Variants in GRIA4 observed in about 807,000 individuals in gnomAD.
GRIA4 encodes the protein glutamate ionotropic receptor AMPA type subunit 4.
A neutral mutation model predicts 104.0 loss-of-function variants in GRIA4; 34 were observed. The ratio of observed to expected loss-of-function variants is 0.33; its 90% confidence interval spans 0.25 to 0.44. GRIA4 has a LOEUF of 0.44. Ranked by LOEUF, GRIA4 falls within the 20% of genes least tolerant of loss-of-function variation. The probability of loss-of-function intolerance (pLI) is 1.00; values close to 1 mark genes in which losing one functional copy is unlikely to be tolerated. For synonymous variants in GRIA4, 386 were observed against 381.9 expected (o/e 1.01, Z -0.13); for missense variants, 750 against 1,096.5 (o/e 0.68, Z 4.46).
chr11:105,842,284 C>T (rs975861460), intron 4 of GRIA4, among the ~76,000 whole-genome samples: 1 of 152,076 alleles, frequency 6.6e-6, no homozygotes, highest in Non-Finnish European at 1.5e-5. Context: ...TTTCCTTTGC[C>T]CTGAGGGACA....
At chr11:105,663,143 C>A (rs1479276690) in intron 3 of GRIA4, among the ~76,000 whole-genome samples, 1 of 150,724 alleles carries the variant, frequency 6.6e-6, no homozygotes, top group East Asian at 1.9e-4. Flanking sequence ...AAAAATATAA[C>A]TTTATATCAA....
chr11:105,862,186 G>C lies in GRIA4; in HGVS notation c.650G>C (p.Arg217Thr). The C allele has an allele frequency of 6.3e-7, 1 of 1,594,836 alleles. No homozygotes were observed. Among genetic ancestry groups the C allele is most frequent in the Non-Finnish European group, 8.6e-7 (1 of 1,162,686 alleles). ...KKFVIDCEIE[R>T]LQNILEQIVS... ...TTTGTAATAGACTGTGAGATAGAGA[G>C]ACTTCAAAACATATTAGAACAGGTA... The change falls in exon 5 of 17, where the codon AGA becomes ACA. Residue 217 changes from arginine to threonine, a missense_variant. Physicochemically the swap from Arg to Thr is moderately conservative, Grantham distance 71. Transcript: ENST00000282499.
chr11:105,899,746 C>T (rs1400856380), intron 7 of GRIA4, among the ~76,000 whole-genome samples: 2 of 152,094 alleles, frequency 1.3e-5, no homozygotes, highest in African/African-American at 2.4e-5. Flanking sequence ...CAGTATATAA[C>T]CTTGTTTTAT....
intron 7 of GRIA4, among the ~76,000 whole-genome samples, chr11:105,901,334 T>C (rs1324891655): frequency 1.3e-5 from 2 of 152,208 alleles, no homozygotes; most frequent in Non-Finnish European, 2.9e-5. Context: ...TTCTTTCTTC[T>C]CTAAGTCCAT....
chr11:105,715,072 G>A (rs771242328), intron 3 of GRIA4, among the ~76,000 whole-genome samples: 2 of 152,044 alleles, frequency 1.3e-5, no homozygotes, highest in African/African-American at 2.4e-5. Context: ...AAAAAACAGC[G>A]ATTATATCTT....
chr11:105,787,432 C>A, intron 4 of GRIA4, among the ~76,000 whole-genome samples: 1 of 144,538 alleles, frequency 6.9e-6, no homozygotes, highest in Admixed American at 7.0e-5. Context: ...GTAATCAACA[C>A]AAGACAGACT....
chr11:105,918,281 T>C (rs1166679885), intron 10 of GRIA4, among the ~76,000 whole-genome samples: 1 of 152,128 alleles, frequency 6.6e-6, no homozygotes, highest in African/African-American at 2.4e-5. Context: ...TGTGGCTAAA[T>C]AAGATGCAGA....
At chr11:105,704,905 G>A (rs1423498137) in intron 3 of GRIA4, among the ~76,000 whole-genome samples, 1 of 152,072 alleles carries the variant, frequency 6.6e-6, no homozygotes, top group African/African-American at 2.4e-5. Flanking sequence ...AGTAAGACAA[G>A]TTGATAATAA....
intron 14 of GRIA4, among the ~76,000 whole-genome samples, chr11:105,943,389 G>A (rs1428340259): frequency 6.6e-6 from 1 of 152,006 alleles, no homozygotes; most frequent in African/African-American, 2.4e-5. Flanking sequence ...AACAGCAAAA[G>A]TGAAGCACAG....
At chr11:105,733,854 A>G (rs919390598) in intron 3 of GRIA4, among the ~76,000 whole-genome samples, 2 of 151,484 alleles carry the variant, frequency 1.3e-5, no homozygotes, top group African/African-American at 4.9e-5. Flanking sequence ...ATTCCATGAT[A>G]TCACACTGTA....
intron 5 of GRIA4, among the ~76,000 whole-genome samples, chr11:105,884,541 A>C (rs957465320): frequency 6.6e-6 from 1 of 152,216 alleles, no homozygotes. Flanking sequence ...TGTGCAGTAC[A>C]TTTGTTTTTT....
At chr11:105,657,272 T>C (rs1181435320) in intron 3 of GRIA4, among the ~76,000 whole-genome samples, 2 of 151,946 alleles carry the variant, frequency 1.3e-5, no homozygotes, top group Non-Finnish European at 2.9e-5. Flanking sequence ...TTTTCAAAAG[T>C]GTACACTGCT....
intron 4 of GRIA4, among the ~76,000 whole-genome samples, chr11:105,853,630 C>A (rs1944899754): frequency 6.6e-6 from 1 of 152,150 alleles, no homozygotes; most frequent in Non-Finnish European, 1.5e-5. Flanking sequence ...TGATATTTGA[C>A]TATTTTTGAT....
intron 4 of GRIA4, among the ~76,000 whole-genome samples, chr11:105,783,329 A>C (rs1365531650): frequency 6.6e-6 from 1 of 152,224 alleles, no homozygotes; most frequent in Non-Finnish European, 1.5e-5. Flanking sequence ...GGAAAGTTGA[A>C]ATACAAAATG....
At chr11:105,755,215 G>A (rs1940232600) in intron 4 of GRIA4, among the ~76,000 whole-genome samples, 1 of 152,054 alleles carries the variant, frequency 6.6e-6, no homozygotes, top group South Asian at 2.1e-4. Flanking sequence ...GTGTATGCAT[G>A]TCTTTTATTT....
intron 14 of GRIA4, among the ~76,000 whole-genome samples, chr11:105,957,931 G>T (rs1423017274): frequency 6.6e-6 from 1 of 152,150 alleles, no homozygotes; most frequent in Admixed American, 6.5e-5. Flanking sequence ...TTGGTGTATA[G>T]GAATGCTTGT....
Position 105,893,614 on chromosome 11 carries a change from T to C in GRIA4, c.727-4655T>C, listed in dbSNP as rs73542818. On this transcript the variant is annotated intron_variant, in intron 6 of 16. Coordinates refer to ENST00000282499, the MANE Select transcript of GRIA4 (RefSeq NM_000829.4). The stretch of plus-strand genomic sequence containing the variant: ...AGGATGGACTCGAAAATGTGAACTA[T>C]TATTTATCAGCTAGACTTTACATCA... Among the ~76,000 whole-genome samples, 880 of 152,334 alleles carry C rather than the reference T, an allele frequency of 5.8e-3. 11 individuals carry two copies. Among genetic ancestry groups the C allele is most frequent in the African/African-American group, 0.02 (838 of 41,572 alleles).
chr11:105,675,291 T>A (rs1952502071), intron 3 of GRIA4, among the ~76,000 whole-genome samples: 1 of 151,784 alleles, frequency 6.6e-6, no homozygotes, highest in Admixed American at 6.6e-5. Context: ...TTGGGGTGAT[T>A]TTTGTGATCC....
chr11:105,665,124 T>C (rs550147873), intron 3 of GRIA4, among the ~76,000 whole-genome samples: 6 of 151,974 alleles, frequency 3.9e-5, no homozygotes, highest in Non-Finnish European at 8.8e-5. Context: ...AAAATGAAAA[T>C]ACACTCTTAT....
Sources: gnomAD v4.1 joint callset for allele counts (sites outside exome capture counted in the v4.1 genomes callset) on GRCh38, gnomAD v4.1.1 for gene constraint, MANE v1.5 for transcripts, NCBI Gene and HGNC (gene_info 2026-07-23, HGNC 2026-07-21) for gene names.